SLC35D4: variants seen among roughly 807,000 people sequenced by gnomAD.
SLC35D4 encodes UDP-N-acetylglucosamine transporter SLC35D4.
chr18:23,363,524 G>A, the SLC35D4 span, among the ~76,000 whole-genome samples: 70 of 151,492 alleles, frequency 4.6e-4, no homozygotes, highest in Middle Eastern at 3.4e-3. Context: ...ACAGGCGCCC[G>A]CCACCACGCC....
the SLC35D4 span, among the ~76,000 whole-genome samples, chr18:23,373,987 C>T: frequency 0.16 from 24,962 of 152,136 alleles, 2,224 homozygotes; most frequent in Middle Eastern, 0.25. Flanking sequence ...CTCAGCTAGC[C>T]GTTTCCCAGA....
chr18:23,288,460 C>T, the SLC35D4 span, among the ~76,000 whole-genome samples: 1 of 152,124 alleles, frequency 6.6e-6, no homozygotes, highest in African/African-American at 2.4e-5. Flanking sequence ...CAGGGATTTG[C>T]CCCTGCCCAG....
chr18:23,422,261 C>T, the SLC35D4 span, among the ~76,000 whole-genome samples: 2 of 152,038 alleles, frequency 1.3e-5, no homozygotes, highest in East Asian at 1.9e-4. Context: ...CAATAGATAC[C>T]GTTTCAACCC....
At chr18:23,417,726 A>T in the SLC35D4 span, among the ~76,000 whole-genome samples, 1 of 152,244 alleles carries the variant, frequency 6.6e-6, no homozygotes, top group South Asian at 2.1e-4. Context: ...AAAATTTTTC[A>T]TGGGAAAAAT....
chr18:23,368,643 TC>T, the SLC35D4 span: 1 of 1,031,182 alleles, frequency 9.7e-7, no homozygotes, highest in South Asian at 1.5e-5. Flanking sequence ...AACTCTTCAA[TC>T]AAAATATTAT....
the SLC35D4 span, among the ~76,000 whole-genome samples, chr18:23,361,513 A>G: frequency 6.6e-6 from 1 of 152,154 alleles, no homozygotes; most frequent in African/African-American, 2.4e-5. Flanking sequence ...CGGCCCAGCA[A>G]AACCCTTCTT....
the SLC35D4 span, among the ~76,000 whole-genome samples, chr18:23,320,186 A>G: frequency 2.6e-5 from 4 of 152,156 alleles, no homozygotes; most frequent in East Asian, 5.8e-4. Context: ...TCTTATGCTC[A>G]GTTCTGCTCT....
the SLC35D4 span, among the ~76,000 whole-genome samples, chr18:23,411,238 G>GGGGAAGGGAA: frequency 9.5e-5 from 14 of 146,690 alleles, no homozygotes; most frequent in Non-Finnish European, 2.1e-4. Context: ...GGGAAGGGAA[G>GGGGAAGGGAA]GGGAAGGGAA....
chr18:23,352,617 G>C, the SLC35D4 span, among the ~76,000 whole-genome samples: 1 of 152,166 alleles, frequency 6.6e-6, no homozygotes, highest in Non-Finnish European at 1.5e-5. Context: ...GAGTTTTGGT[G>C]CTTGGCAAGG....
the SLC35D4 span, chr18:23,258,169 T>A: frequency 1.3e-5 from 2 of 152,416 alleles, no homozygotes; most frequent in Admixed American, 6.5e-5. Flanking sequence ...AGCGTGGCGC[T>A]CTGTAACTTC....
chr18:23,413,490 A>T, the SLC35D4 span, among the ~76,000 whole-genome samples: 5 of 152,038 alleles, frequency 3.3e-5, no homozygotes, highest in Non-Finnish European at 7.4e-5. Flanking sequence ...TGTACCCTCC[A>T]CTGTAAGGGC....
At chr18:23,436,750 G>A in the SLC35D4 span, among the ~76,000 whole-genome samples, 2 of 152,034 alleles carry the variant, frequency 1.3e-5, no homozygotes, top group South Asian at 2.1e-4. Context: ...CCGAGATCAC[G>A]TCACTGCACT....
At chr18:23,290,465 T>C in the SLC35D4 span, among the ~76,000 whole-genome samples, 18 of 152,200 alleles carry the variant, frequency 1.2e-4, no homozygotes, top group African/African-American at 4.3e-4. Context: ...GTCCTCAGAC[T>C]TCAGGGAGAA....
At chr18:23,379,107 A>ATG in the SLC35D4 span, among the ~76,000 whole-genome samples, 1 of 151,290 alleles carries the variant, frequency 6.6e-6, no homozygotes, top group Non-Finnish European at 1.5e-5. Context: ...GGTATGATAA[A>ATG]TGTGTTACTC....
the SLC35D4 span, chr18:23,421,430 A>G: frequency 5.0e-6 from 8 of 1,613,912 alleles, no homozygotes; most frequent in Non-Finnish European, 6.8e-6. Flanking sequence ...AAGTCCACCA[A>G]TGAGCGTCTG....
chr18:23,282,354 G>A, the SLC35D4 span, among the ~76,000 whole-genome samples: 1 of 152,190 alleles, frequency 6.6e-6, no homozygotes, highest in Non-Finnish European at 1.5e-5. Flanking sequence ...AGGTTTATAT[G>A]CCATTGTTTG....
the SLC35D4 span, among the ~76,000 whole-genome samples, chr18:23,346,557 A>G: frequency 6.6e-6 from 1 of 152,054 alleles, no homozygotes. Flanking sequence ...TGCATTCCTA[A>G]AAACTCCATT....
chr18:23,260,714 T>G, the SLC35D4 span, among the ~76,000 whole-genome samples: 1 of 151,648 alleles, frequency 6.6e-6, no homozygotes. Flanking sequence ...ATTTTTGGGG[T>G]TGGGGATGGG....
chr18:23,269,494 G>T, the SLC35D4 span, among the ~76,000 whole-genome samples: 1 of 152,192 alleles, frequency 6.6e-6, no homozygotes, highest in Non-Finnish European at 1.5e-5. Flanking sequence ...GTGTGAGAAT[G>T]GACTAATACA....
Sources: gnomAD v4.1 joint callset for allele counts (sites outside exome capture counted in the v4.1 genomes callset) on GRCh38, gnomAD v4.1.1 for gene constraint, MANE v1.5 for transcripts, NCBI Gene and HGNC (gene_info 2026-07-23, HGNC 2026-07-21) for gene names.